The following TMF1 variants were observed in gnomAD, a reference collection of about 807,000 sequenced individuals.
The protein encoded by TMF1 is TATA element modulatory factor 1.
In TMF1, 71 loss-of-function variants were observed where a neutral mutation model predicts 126.5. The observed-to-expected ratio is 0.56, with a 90% CI of 0.46 to 0.68. The LOEUF is 0.68. TMF1 is among the 30% of genes least tolerant of loss of function. The pLI, the probability that TMF1 is intolerant of heterozygous loss-of-function variation, is 0.00. For missense variants in TMF1, 1,259 were observed against 1,253.2 expected (o/e 1.00, Z -0.07); for synonymous variants, 461 against 430.5 (o/e 1.07, Z -0.88).
chr3:69,048,084 C>T lies in TMF1; in HGVS notation c.621G>A (p.Met207Ile). Residue 207 changes from methionine (M) to isoleucine (I), a missense_variant, in exon 2 of 17, where the codon ATG becomes ATA. Physicochemically the swap from Met to Ile is conservative, Grantham distance 10. Transcript: ENST00000398559. ...SESVIDVKTTMESISNTSTQS... is the reference protein window; with the variant it reads ...SESVIDVKTTIESISNTSTQS... ...GCGTAGACGTATTAGATATACTTTCCATAGTTGTTTTCACATCAATTACAC... is the reference window on the plus strand; with the variant it reads ...GCGTAGACGTATTAGATATACTTTCTATAGTTGTTTTCACATCAATTACAC... 1 of 1,614,154 alleles carries T rather than the reference C, an allele frequency of 6.2e-7. No individual in the cohort carries two copies. The highest frequency in any genetic ancestry group is 8.5e-7 in the Non-Finnish European group (1 of 1,180,030).
chr3:69,033,828 T>C, intron 9 of TMF1, 124 bp from the exon 10 acceptor site: 1 of 898,894 alleles, frequency 1.1e-6, no homozygotes, highest in Non-Finnish European at 1.6e-6. Flanking sequence ...ATTTGCTTTT[T>C]AATTATTATT....
At chr3:69,028,622 A>G (rs115066528) in intron 11 of TMF1, among the ~76,000 whole-genome samples, 1,542 of 152,366 alleles carry the variant, frequency 0.01, 26 homozygotes, top group African/African-American at 0.035. Context: ...CTTATTAGGG[A>G]GTTCTATGAA....
At chr3:69,044,729 G>A (rs2091886127) in intron 2 of TMF1, 134 bp from the exon 3 acceptor site, 1 of 539,922 alleles carries the variant, frequency 1.9e-6, no homozygotes, top group East Asian at 3.1e-5. Flanking sequence ...TAGGAACACA[G>A]AAGATCCAGA....
chr3:69,036,228 A>G (rs927667091), intron 8 of TMF1, among the ~76,000 whole-genome samples: 1 of 151,970 alleles, frequency 6.6e-6, no homozygotes, highest in Admixed American at 6.6e-5. Flanking sequence ...ATAAAACAGT[A>G]TAAACAATAA....
intron 8 of TMF1, among the ~76,000 whole-genome samples, chr3:69,035,679 A>C (rs1461607282): frequency 6.6e-6 from 1 of 152,198 alleles, no homozygotes; most frequent in African/African-American, 2.4e-5. Context: ...AAATATTCTA[A>C]ATCTCCATCA....
chr3:69,037,212 C>T (rs1461045287), intron 8 of TMF1, among the ~76,000 whole-genome samples: 1 of 152,228 alleles, frequency 6.6e-6, no homozygotes, highest in Non-Finnish European at 1.5e-5. Flanking sequence ...GAATGCAAAT[C>T]AGCCGGGCGT....
Position 69,048,275 on chromosome 3 carries a change from T to G in TMF1, c.430A>C (p.Thr144Pro), listed in dbSNP as rs757330236. The G allele has an allele frequency of 6.2e-7, 1 of 1,614,142 alleles. No homozygotes were observed. Among genetic ancestry groups the G allele is most frequent in the Non-Finnish European group, 8.5e-7 (1 of 1,180,026 alleles). The change falls in exon 2 of 17, where the codon ACT becomes CCT. Residue 144 changes from threonine to proline, a missense_variant. Coordinates refer to ENST00000398559, the MANE Select transcript of TMF1 (RefSeq NM_007114.3). ...ACTTGTGATTCAGTTGTTTCAGGAG[T>G]TCTTGACTGGCCAATGTGCAAGGAT... ...HESLHIGQSR[T>P]PETTESQVKD...
At chr3:69,037,246 G>A (rs1043732663) in intron 8 of TMF1, among the ~76,000 whole-genome samples, 16 of 152,310 alleles carry the variant, frequency 1.1e-4, no homozygotes, top group African/African-American at 1.9e-4. Context: ...TGTAATCCCC[G>A]CACTTTGGGA....
Position 69,052,271 on chromosome 3 carries a change from A to T in TMF1, c.-185T>A, listed in dbSNP as rs2091935764. ...ACCCTCGGCCGTTCCCGCACAGCTG[A>T]GACGAAGGGGGCCCATGTGCGCATG... On this transcript the variant is annotated 5_prime_UTR_variant, in exon 1 of 17. Transcript: ENST00000398559. 1.8e-6 allele frequency: 1 copy of T among 547,600 alleles called. No homozygotes were observed. Among genetic ancestry groups the T allele is most frequent in the Non-Finnish European group, 3.1e-6 (1 of 324,758 alleles). 33.9% of individuals were successfully genotyped at this position (547,600 alleles called of 1,614,324 possible).
intron 1 of TMF1, among the ~76,000 whole-genome samples, chr3:69,050,533 T>C (rs901961826): frequency 6.6e-6 from 1 of 152,176 alleles, no homozygotes; most frequent in Non-Finnish European, 1.5e-5. Flanking sequence ...TTATTTGGTA[T>C]CCATCTAAAT....
chr3:69,025,745 C>CA, intron 14 of TMF1, 33 bp from the exon 15 acceptor site: 9 of 1,592,904 alleles, frequency 5.7e-6, no homozygotes, highest in Non-Finnish European at 7.7e-6. Context: ...CACAGTTACT[C>CA]AGTTATCATA....
At chr3:69,045,940 C>T (rs1035461861) in intron 2 of TMF1, among the ~76,000 whole-genome samples, 1 of 151,890 alleles carries the variant, frequency 6.6e-6, no homozygotes, top group African/African-American at 2.4e-5. Context: ...CCTATGGTCC[C>T]AGCTACTAGA....
chr3:69,039,928 A>C (rs1397080901), intron 5 of TMF1, among the ~76,000 whole-genome samples: 1 of 152,196 alleles, frequency 6.6e-6, no homozygotes, highest in Non-Finnish European at 1.5e-5. Flanking sequence ...CTCATATATC[A>C]CCTACTAATT....
At chr3:69,043,461 T>C (rs1335234520) in intron 4 of TMF1, among the ~76,000 whole-genome samples, 1 of 152,104 alleles carries the variant, frequency 6.6e-6, no homozygotes, top group Non-Finnish European at 1.5e-5. Context: ...CACACCAGCA[T>C]GACCAGCTAA....
Position 69,028,272 on chromosome 3 carries a change from A to C in TMF1, c.2618T>G (p.Leu873Arg). The stretch of plus-strand genomic sequence containing the variant: ...AAGTGTTCTTACATATTCATCTTTT[A>C]GGTTTTCCAATTCAACCTGGTACCT... ...NNRYQVELEN[L>R]KDEYVRTLEE... The change falls in exon 12 of 17, where the codon CTA becomes CGA. Residue 873 changes from leucine (L) to arginine (R), a missense_variant. By Grantham distance (102) the Leu-to-Arg change is moderately radical (BLOSUM62 -2). Coordinates refer to ENST00000398559, the MANE Select transcript of TMF1 (RefSeq NM_007114.3). 1 of 1,612,992 alleles carries C rather than the reference A, an allele frequency of 6.2e-7. No individual in the cohort carries two copies. The highest frequency in any genetic ancestry group is 8.5e-7 in the Non-Finnish European group (1 of 1,179,350).
Position 69,052,010 on chromosome 3 carries a change from C to G in TMF1, c.77G>C (p.Arg26Thr), listed in dbSNP as rs1368777683. Residue 26 changes from arginine (R) to threonine (T), a missense_variant, in exon 1 of 17, where the codon AGG (arginine) becomes ACG (threonine). Transcript: ENST00000398559. Reference protein sequence around the residue: ...ALSQAQKSIDRVLDIQEEEPS... With the variant: ...ALSQAQKSIDTVLDIQEEEPS... Reference sequence around the variant, plus strand: ...CTCCTCTTCCTGGATGTCCAGAACCCTGTCAATAGACTTCTGGGCCTGGGA... The same window carrying G: ...CTCCTCTTCCTGGATGTCCAGAACCGTGTCAATAGACTTCTGGGCCTGGGA... 1 of 1,613,976 alleles carries G rather than the reference C, an allele frequency of 6.2e-7. No homozygotes were observed. The highest frequency in any genetic ancestry group is 8.5e-7 in the Non-Finnish European group (1 of 1,180,002).
rs564203220 is a variant in TMF1 at position 69,030,395 on chromosome 3, G to GA, written c.2402-389dup. 170 of 154,704 alleles carry GA rather than the reference G, an allele frequency of 1.1e-3. 1 individual carries two copies. Among genetic ancestry groups the GA allele is most frequent in the Non-Finnish European group, 1.8e-3 (125 of 69,850 alleles). The allele number at this position is 154,704 out of a possible 1,614,324, so 9.6% of individuals were successfully genotyped here. ...AAACATGAAACTATAAAACTTTTAG[G>GA]AAAAAACAGAGGAGAAAGTCTTCAG... On this transcript the variant is annotated intron_variant, in intron 10 of 16. Transcript: ENST00000398559.
intron 11 of TMF1, among the ~76,000 whole-genome samples, chr3:69,029,424 CTTTG>C (rs1375628469): frequency 1.3e-5 from 2 of 148,266 alleles, no homozygotes; most frequent in Non-Finnish European, 3.0e-5. Context: ...CAACGACATA[CTTTG>C]TTTATTTACT....
chr3:69,024,180 G>A lies in TMF1; in HGVS notation c.3013C>T (p.Leu1005=). The A allele has an allele frequency of 2.5e-6, 4 of 1,599,298 alleles. No homozygotes were observed. The highest frequency in any genetic ancestry group is 3.4e-6 in the Non-Finnish European group (4 of 1,174,622). Residue 1005 remains leucine (L), a splice_region_variant and synonymous_variant, in exon 16 of 17, where the codon CTA becomes TTA. Transcript: ENST00000398559. ...GTTTTTTCTAGATTGCCAATTTCTA[G>A]CTGAGAAGCATTACCACAAAATAGT... ...LREGEITHLQ[L]EIGNLEKTRS...
Sources: allele counts gnomAD v4.1 joint callset (sites outside exome capture counted in the v4.1 genomes callset), GRCh38; gene constraint gnomAD v4.1.1; transcripts MANE v1.5; gene names NCBI Gene and HGNC (gene_info 2026-07-23, HGNC 2026-07-21).